The following COL9A1 variants were observed in gnomAD, a reference collection of about 807,000 sequenced individuals.
COL9A1 encodes collagen type IX alpha 1 chain, also known as collagen alpha-1(IX) chain.
COL9A1 carries 104 observed loss-of-function variants against 142.6 expected under a neutral mutation model. The ratio of observed to expected loss-of-function variants is 0.73; its 90% CI spans 0.62 to 0.86. COL9A1 has a LOEUF of 0.86. Among genes scored for constraint, COL9A1 ranks in the 40% least tolerant of loss-of-function variants. The pLI is 0.00. For missense variants in COL9A1, 1,210 were observed against 1,176.6 expected (o/e 1.03, Z -0.42); for synonymous variants, 466 against 396.0 (o/e 1.18, Z -2.10).
At chr6:70,302,532 T>C (rs540899534) in intron 1 of COL9A1, among the ~76,000 whole-genome samples, 1 of 152,256 alleles carries the variant, frequency 6.6e-6, no homozygotes, top group South Asian at 2.1e-4. Context: ...GAAACCCTAC[T>C]GAGAGATGTA....
chr6:70,260,732 G>A lies in COL9A1; in HGVS notation c.1396-22C>T, dbSNP rs546649340. 13 of 1,612,656 alleles carry A rather than the reference G, an allele frequency of 8.1e-6. 1 individual carries two copies. The highest frequency in any genetic ancestry group is 8.0e-5 in the African/African-American group (6 of 74,976). The stretch of plus-strand genomic sequence containing the variant: ...CTCCCTGGAAATGTGAAAAAGAGAA[G>A]TGAATTATTTTAGTTGAAGCAAAGA... On this transcript the variant is annotated intron_variant, in intron 19 of 37. Transcript: ENST00000357250.
At chr6:70,236,602 T>C (rs1375484764) in intron 33 of COL9A1, among the ~76,000 whole-genome samples, 1 of 152,240 alleles carries the variant, frequency 6.6e-6, no homozygotes, top group Non-Finnish European at 1.5e-5. Context: ...GCAATGCTTT[T>C]ACTAGATACA....
At chr6:70,245,388 G>A (rs776452897) in intron 28 of COL9A1, among the ~76,000 whole-genome samples, 2 of 152,162 alleles carry the variant, frequency 1.3e-5, no homozygotes, top group Non-Finnish European at 2.9e-5. Flanking sequence ...CATCGCCAAG[G>A]TCTGATTGTA....
At chr6:70,221,189 G>T (rs9446211) in intron 37 of COL9A1, among the ~76,000 whole-genome samples, 1 of 151,888 alleles carries the variant, frequency 6.6e-6, no homozygotes, top group Non-Finnish European at 1.5e-5. Context: ...CATCTCGGCT[G>T]GATCATTCTG....
intron 20 of COL9A1, 103 bp from the exon 21 acceptor site, chr6:70,256,924 T>A: frequency 1.9e-6 from 2 of 1,065,452 alleles, no homozygotes; most frequent in Non-Finnish European, 2.8e-6. Context: ...GAAAAGGAGG[T>A]TTTGTGCCTG....
In COL9A1 at chr6:70,234,907, G is replaced by A. The variant is rs977443998; in HGVS notation, c.2146C>T (p.Pro716Ser). The change falls in exon 34 of 38, where the codon CCT becomes TCT. Residue 716 changes from proline to serine, a missense_variant. Pro to Ser is a moderately conservative substitution (Grantham distance 74). Coordinates refer to ENST00000357250, the MANE Select transcript of COL9A1 (RefSeq NM_001851.6). ...GNPGEPGLRGPEGSRGLPGVE... is the reference protein window; with the variant it reads ...GNPGEPGLRGSEGSRGLPGVE... ...CCAGGAAGCCCCCGACTTCCCTCAG[G>A]CCCTCTCAAGCCAGGTTCCCCAGGA... 2.5e-6 allele frequency: 4 copies of A among 1,614,082 alleles called. No individual in the cohort carries two copies. In the East Asian group the frequency reaches 8.9e-5, roughly 36 times the overall value.
intron 7 of COL9A1, 79 bp downstream of exon 7, chr6:70,282,819 A>G: frequency 6.2e-7 from 1 of 1,607,230 alleles, no homozygotes; most frequent in Non-Finnish European, 8.5e-7. Flanking sequence ...CGCCTTTCTC[A>G]CAGCTCCCTC....
chr6:70,269,974 T>C (rs535243587), intron 15 of COL9A1, among the ~76,000 whole-genome samples: 17 of 152,360 alleles, frequency 1.1e-4, no homozygotes, highest in African/African-American at 3.8e-4. Context: ...TCATATTCTT[T>C]AAATTTTTCT....
At position 70,234,577 on chromosome 6, in the gene COL9A1, T is replaced by C; in HGVS notation, c.2276A>G (p.Asp759Gly). 1 of 1,614,244 alleles carries C rather than the reference T, an allele frequency of 6.2e-7. No individual in the cohort carries two copies. Among genetic ancestry groups the C allele is most frequent in the Non-Finnish European group, 8.5e-7 (1 of 1,180,036 alleles). Reference sequence around the variant, plus strand: ...CATGCAAACCTGCTTAATGTGCTGATCTGTCGGTGCTCTACCCTGGGACAG... The same window carrying C: ...CATGCAAACCTGCTTAATGTGCTGACCTGTCGGTGCTCTACCCTGGGACAG... ...VQGPPGRAPT[D>G]QHIKQVCMRV... Residue 759 changes from aspartate (D) to glycine (G), a missense_variant, in exon 35 of 38, where the codon GAT becomes GGT. Coordinates refer to ENST00000357250, the MANE Select transcript of COL9A1 (RefSeq NM_001851.6).
chr6:70,281,509 CA>C, intron 7 of COL9A1, 45 bp from the exon 8 acceptor site: 1 of 1,519,294 alleles, frequency 6.6e-7, no homozygotes, highest in African/African-American at 1.4e-5. Context: ...CATCGGGCAA[CA>C]GGGAGCAACT....
Position 70,234,570 on chromosome 6 carries a change from G to A in COL9A1, c.2283C>T (p.His761=), listed in dbSNP as rs1769774999. ...GPPGRAPTDQ[H]IKQVCMRVIQ... ...TGACTCTCATGCAAACCTGCTTAAT[G>A]TGCTGATCTGTCGGTGCTCTACCCT... The change falls in exon 35 of 38, where the codon CAC becomes CAT. Residue 761 remains histidine (H), a synonymous_variant. Transcript: ENST00000357250. 1.2e-6 allele frequency: 2 copies of A among 1,614,056 alleles called. No homozygotes were observed. Among genetic ancestry groups the A allele is most frequent in the Non-Finnish European group, 8.5e-7 (1 of 1,180,040 alleles).
chr6:70,224,477 G>A (rs1769099913), intron 37 of COL9A1, among the ~76,000 whole-genome samples: 1 of 152,164 alleles, frequency 6.6e-6, no homozygotes, highest in Admixed American at 6.5e-5. Flanking sequence ...TTTCAATAAA[G>A]GAAAATGTTG....
intron 4 of COL9A1, among the ~76,000 whole-genome samples, chr6:70,298,374 CTTTACTG>C (rs1773928731): frequency 6.6e-6 from 1 of 152,168 alleles, no homozygotes; most frequent in African/African-American, 2.4e-5. Flanking sequence ...CAAGAATAAA[CTTTACTG>C]TTTACTTGGA....
chr6:70,254,796 T>TTCTAG, intron 24 of COL9A1, 167 bp downstream of exon 24: 1 of 744,528 alleles, frequency 1.3e-6, no homozygotes, highest in Non-Finnish European at 2.3e-6. Flanking sequence ...AATTATACTA[T>TTCTAG]TCTAGTAAGT....
At chr6:70,263,547 G>A (rs1224741981) in intron 18 of COL9A1, among the ~76,000 whole-genome samples, 1 of 151,922 alleles carries the variant, frequency 6.6e-6, no homozygotes, top group Admixed American at 6.6e-5. Context: ...ACATTTAGAT[G>A]TTATTCTTTC....
intron 19 of COL9A1, 66 bp from the exon 20 acceptor site, chr6:70,260,776 C>A: frequency 6.7e-7 from 1 of 1,500,276 alleles, no homozygotes; most frequent in South Asian, 1.2e-5. Flanking sequence ...AATCTCATCA[C>A]AAAAGCTGAT....
In COL9A1 at chr6:70,234,848, C is replaced by T. The variant is rs1005817817; in HGVS notation, c.2205G>A (p.Arg735=). The change falls in exon 34 of 38, where the codon CGG becomes CGA. Residue 735 remains arginine (R), a synonymous_variant. Transcript: ENST00000357250. ...VEGPRGPPGP[R]GVQGEQGATG... ...TGGCACCCTGTTCTCCCTGCACACC[C>T]CGGGGTCCAGGTGGTCCTCTTGGTC... is the stretch of plus-strand genomic sequence containing the variant. 1 of 1,614,154 alleles carries T rather than the reference C, an allele frequency of 6.2e-7. No homozygotes were observed. Among genetic ancestry groups the T allele is most frequent in the Admixed American group, 1.7e-5 (1 of 60,034 alleles).
chr6:70,266,908 C>T, intron 17 of COL9A1, 138 bp from the exon 18 acceptor site: 1 of 752,210 alleles, frequency 1.3e-6, no homozygotes, highest in Non-Finnish European at 2.4e-6. Context: ...AAATTAATGC[C>T]TTAAATGACC....
intron 29 of COL9A1, 115 bp downstream of exon 29, chr6:70,242,547 T>G: frequency 2.1e-6 from 2 of 934,502 alleles, no homozygotes; most frequent in Non-Finnish European, 3.5e-6. Context: ...CATATTCACA[T>G]AACAAGAGAA....
Sources: gnomAD v4.1 joint callset for allele counts (sites outside exome capture counted in the v4.1 genomes callset) on GRCh38, gnomAD v4.1.1 for gene constraint, MANE v1.5 for transcripts, NCBI Gene and HGNC (gene_info 2026-07-23, HGNC 2026-07-21) for gene names.